FAM200A: variants seen among roughly 807,000 people sequenced by gnomAD.
FAM200A encodes ZBED8 like, also known as protein FAM200A.
Under a neutral mutation model 44.2 loss-of-function variants are expected in FAM200A, and 26 were observed. The ratio of observed to expected loss-of-function variants is 0.59; its 90% CI spans 0.43 to 0.82. The LOEUF (loss-of-function observed/expected upper bound fraction) is 0.82. Among genes scored for constraint, FAM200A ranks in the 40% least tolerant of loss-of-function variants. The pLI, the probability that FAM200A is intolerant of heterozygous loss-of-function variation, is 0.00. For missense variants in FAM200A, 606 were observed against 669.5 expected (o/e 0.91, Z 1.05); for synonymous variants, 206 against 244.4 (o/e 0.84, Z 1.47).
intron 1 of FAM200A, among the ~76,000 whole-genome samples, chr7:99,557,685 G>A (rs1214771926): frequency 6.6e-6 from 1 of 152,084 alleles, no homozygotes; most frequent in Non-Finnish European, 1.5e-5. Flanking sequence ...GATAAAGAGA[G>A]GAAAGGAATA....
In FAM200A at chr7:99,546,449, A is replaced by G; in HGVS notation, c.*237T>C. ...AGTGGGATTATCTCAGCTCACTGCA[A>G]TCTCTGCCTTCCTGGTTTAAGAGAT... On this transcript the variant is annotated 3_prime_UTR_variant, in exon 2 of 2. Transcript: ENST00000449309. The G allele has an allele frequency of 2.6e-6, 1 of 379,258 alleles. No homozygotes were observed. Among genetic ancestry groups the G allele is most frequent in the Non-Finnish European group, 4.6e-6 (1 of 216,350 alleles). 23.5% of individuals were successfully genotyped at this position (379,258 alleles called of 1,614,324 possible). A position where few individuals can be genotyped will look rare whatever the true frequency, so the allele number is the denominator to read the frequency against.
chr7:99,552,803 AC>A (rs1262093498), upstream of FAM200A, among the ~76,000 whole-genome samples: 1 of 151,954 alleles, frequency 6.6e-6, no homozygotes, highest in Admixed American at 6.6e-5. Context: ...ATAAAAGCCT[AC>A]AAAAGGAACG....
In FAM200A at chr7:99,547,378, A is replaced by G. The variant is rs1802413850; in HGVS notation, c.1030T>C (p.Leu344=). The G allele has an allele frequency of 6.5e-7, 1 of 1,549,828 alleles. No homozygotes were observed. The highest frequency in any genetic ancestry group is 8.7e-7 in the Non-Finnish European group (1 of 1,146,506). ...CCAAAAATATCACTTAAATATGCCA[A>G]TTTTGTTACCCAAATGTCGTCTTCA... ...IFEDDIWVTK[L]AYLSDIFGIL... is the part of the protein sequence containing the mutation. The change falls in exon 2 of 2, where the codon TTG becomes CTG. Residue 344 remains leucine (L), a synonymous_variant. Transcript: ENST00000449309.
At chr7:99,556,738 TA>T (rs1584230654), upstream of FAM200A, among the ~76,000 whole-genome samples, 3 of 152,038 alleles carry the variant, frequency 2.0e-5, no homozygotes, top group South Asian at 4.2e-4. Context: ...TAATTTGCAC[TA>T]AAAAAAACAA....
Position 99,549,919 on chromosome 7 carries a change from G to T in FAM200A, c.-99-1413C>A, listed in dbSNP as rs1358043676. ...TGTCATGGGGTGGGGGAAGTGGGGA[G>T]GGATAGCATTAGGAGATATACCTAA... On this transcript the variant is annotated intron_variant, in intron 1 of 1. Transcript: ENST00000449309. Among the ~76,000 whole-genome samples, 5 of 152,034 alleles carry T rather than the reference G, an allele frequency of 3.3e-5. No individual in the cohort carries two copies. In the South Asian group the frequency reaches 1.0e-3, roughly 32 times the overall value.
At chr7:99,553,092 TATATATA>T (rs1219145375), upstream of FAM200A, among the ~76,000 whole-genome samples, 67 of 95,378 alleles carry the variant, frequency 7.0e-4, no homozygotes, top group African/African-American at 3.6e-3. Flanking sequence ...TATATATATA[TATATATA>T]TTTTTTTTTT....
chr7:99,547,125 G>T lies in FAM200A; in HGVS notation c.1283C>A (p.Thr428Asn). 3 of 1,547,322 alleles carry T rather than the reference G, an allele frequency of 1.9e-6. No individual in the cohort carries two copies. Among genetic ancestry groups the T allele is most frequent in the Non-Finnish European group, 2.6e-6 (3 of 1,145,798 alleles). The change falls in exon 2 of 2, where the codon ACT (threonine) becomes AAT (asparagine). Residue 428 changes from threonine to asparagine, a missense_variant. Thr to Asn is a moderately conservative substitution (Grantham distance 65). Transcript: ENST00000449309. ...ATAATTAAAAGTTTGAGACAAAGAA[G>T]TGAGATGCAACAATATCTCTAATTT... ...EIKLEILLHL[T>N]SLSQTFNYYF...
intron 1 of FAM200A, among the ~76,000 whole-genome samples, chr7:99,550,022 C>T (rs1802491325): frequency 6.6e-6 from 1 of 151,552 alleles, no homozygotes; most frequent in Non-Finnish European, 1.5e-5. Context: ...ACATTGTGCA[C>T]ATGTACCCTA....
rs1313715249 is a variant in FAM200A, at chr7:99,546,951, A to G, written c.1457T>C (p.Leu486Pro). The change falls in exon 2 of 2, where the codon CTA (leucine) becomes CCA (proline). Residue 486 changes from leucine to proline, a missense_variant. Transcript: ENST00000449309. ...ELLQLSSSFT[L>P]KNYYKILSLS... ...ACTTAATATCTTATAATAATTCTTT[A>G]GTGTGAATGATGAACTGAGCTGCAA... 6 of 1,549,728 alleles carry G rather than the reference A, an allele frequency of 3.9e-6. No individual in the cohort carries two copies. The Admixed American group carries it at 7.9e-5, about 20-fold the overall frequency.
chr7:99,557,632 T>G (rs561949368), intron 1 of FAM200A, among the ~76,000 whole-genome samples: 1 of 152,266 alleles, frequency 6.6e-6, no homozygotes, highest in South Asian at 2.1e-4. Flanking sequence ...ACTAGAGAGA[T>G]TGTGTCCTAG....
chr7:99,552,278 A>G (rs1012871732), upstream of FAM200A: 1 of 528,026 alleles, frequency 1.9e-6, no homozygotes, highest in African/African-American at 2.1e-5. Flanking sequence ...CAGGGCGGGG[A>G]AAAAGGGATG....
At chr7:99,558,489 G>C (rs1024883754) in exon 1 of FAM200A, 2 of 152,424 alleles carry the variant, frequency 1.3e-5, no homozygotes, top group African/African-American at 4.8e-5. Context: ...ACGAGCCTTC[G>C]AATCATGGAC....
At position 99,548,271 on chromosome 7, in the gene FAM200A, G is replaced by A. The variant is rs369064653; in HGVS notation, c.137C>T (p.Ser46Leu). ...TGTAGAGCGACTGAGAACTTGTGGC[G>A]ATGACTCTACTTTGTTTCTTTCCTT... ...FQKERNKVES[S>L]PQVLSRSTTM... The change falls in exon 2 of 2, where the codon TCG becomes TTG. Residue 46 changes from serine (S) to leucine (L), a missense_variant. Transcript: ENST00000449309. The A allele has an allele frequency of 2.8e-5, 45 of 1,613,884 alleles. No individual in the cohort carries two copies. The highest frequency in any genetic ancestry group is 1.6e-4 in the Middle Eastern group (1 of 6,062).
At chr7:99,552,562 T>C (rs34257469), upstream of FAM200A, among the ~76,000 whole-genome samples, 27,493 of 152,142 alleles carry the variant, frequency 0.18, 3,992 homozygotes, top group African/African-American at 0.4. Context: ...CAACACTAGA[T>C]AGTTATAAAA....
intron 1 of FAM200A, 134 bp from the exon 2 acceptor site, chr7:99,548,640 CTG>C: frequency 1.3e-6 from 1 of 758,674 alleles, no homozygotes; most frequent in East Asian, 3.0e-5. Context: ...TTCATGTTGG[CTG>C]TGTGTCAGGG....
rs1032661741 is a variant in FAM200A at position 99,552,039 on chromosome 7, G to A, written c.-285C>T. 3.0e-6 allele frequency: 3 copies of A among 985,502 alleles called. No homozygotes were observed. In the African/African-American group the frequency reaches 5.2e-5, roughly 17 times the overall value. The allele number at this position is 985,502 out of a possible 1,614,324, so 61.0% of individuals were successfully genotyped here. A position where few individuals can be genotyped will look rare whatever the true frequency, so the allele number is the denominator to read the frequency against. On this transcript the variant is annotated 5_prime_UTR_variant, in exon 1 of 2. Transcript: ENST00000449309. ...AGTCTGGGATGCTGGGATAGAAGGG[G>A]TTGTGACTTTGGGGACCAGGAGCAC... is the stretch of plus-strand genomic sequence containing the variant.
At chr7:99,556,627 A>C (rs1802684534), upstream of FAM200A, among the ~76,000 whole-genome samples, 1 of 152,186 alleles carries the variant, frequency 6.6e-6, no homozygotes, top group Non-Finnish European at 1.5e-5. Context: ...TAGGAAAAAA[A>C]TCTTAAAAAA....
chr7:99,553,099 A>ATTTTTTTTTT (rs576289512), upstream of FAM200A, among the ~76,000 whole-genome samples: 2 of 61,418 alleles, frequency 3.3e-5, no homozygotes, highest in African/African-American at 2.0e-4. Flanking sequence ...ATATATATAT[A>ATTTTTTTTTT]TTTTTTTTTT....
Position 99,547,611 on chromosome 7 carries a change from T to G in FAM200A, c.797A>C (p.Lys266Thr), listed in dbSNP as rs1336073057. Residue 266 changes from lysine (K) to threonine (T), a missense_variant, in exon 2 of 2, where the codon AAA (lysine) becomes ACA (threonine). Transcript: ENST00000449309. ...SLMDVLKNAV[K>T]TVNFIKGSSL... is the part of the protein sequence containing the mutation. ...GCTTCCTTTAATAAAATTAACAGTT[T>G]TCACTGCATTTTTCAATACATCCAT... 1.3e-6 allele frequency: 2 copies of G among 1,551,346 alleles called. No homozygotes were observed. Among genetic ancestry groups the G allele is most frequent in the African/African-American group, 2.7e-5 (2 of 73,170 alleles).
Sources: allele counts gnomAD v4.1 joint callset (sites outside exome capture counted in the v4.1 genomes callset), GRCh38; gene constraint gnomAD v4.1.1; transcripts MANE v1.5; gene names NCBI Gene and HGNC (gene_info 2026-07-23, HGNC 2026-07-21).